Variants in FGF14 observed in about 807,000 individuals in gnomAD.
FGF14 encodes the protein fibroblast growth factor 14, also known as fibroblast growth factor homologous factor 4.
In FGF14, 5 loss-of-function variants were observed where a neutral mutation model predicts 25.5. That is an observed-to-expected ratio of 0.20 (90% confidence interval 0.10 to 0.41). The LOEUF is 0.41. Among genes scored for constraint, FGF14 ranks in the 10% least tolerant of loss-of-function variants. The probability of loss-of-function intolerance (pLI) is 1.00; values close to 1 mark genes in which losing one functional copy is unlikely to be tolerated. For synonymous variants in FGF14, 138 were observed against 118.3 expected, an observed-to-expected ratio of 1.17 and a Z score of -1.08; for missense variants, 222 against 320.1, an observed-to-expected ratio of 0.69 and a Z score of 2.34.
At chr13:101,959,314 C>T (rs189757769) in intron 1 of FGF14, among the ~76,000 whole-genome samples, 134 of 152,174 alleles carry the variant, frequency 8.8e-4, no homozygotes, top group African/African-American at 3.2e-3. Context: ...TAATAGTTTC[C>T]TTCTAGCACC....
At chr13:102,141,094 C>G (rs1045063710) in intron 1 of FGF14, among the ~76,000 whole-genome samples, 1 of 152,170 alleles carries the variant, frequency 6.6e-6, no homozygotes, top group Non-Finnish European at 1.5e-5. Context: ...TATTGTAGGG[C>G]TTCCTCTACT....
chr13:101,912,757 G>A (rs1256537279), intron 1 of FGF14, among the ~76,000 whole-genome samples: 1 of 151,978 alleles, frequency 6.6e-6, no homozygotes, highest in Non-Finnish European at 1.5e-5. Context: ...AGTAAAAAAG[G>A]TATAAAATTT....
At chr13:102,232,543 T>C (rs903102132) in intron 1 of FGF14, among the ~76,000 whole-genome samples, 1 of 152,224 alleles carries the variant, frequency 6.6e-6, no homozygotes, top group Non-Finnish European at 1.5e-5. Flanking sequence ...TATTTTGACA[T>C]ATAGAAATAA....
intron 1 of FGF14, among the ~76,000 whole-genome samples, chr13:101,950,233 G>T (rs1477643546): frequency 2.6e-5 from 4 of 152,086 alleles, no homozygotes; most frequent in Non-Finnish European, 4.4e-5. Context: ...CACAAAGAAT[G>T]AAAAACCCAA....
At position 102,114,238 on chromosome 13, in the gene FGF14, T is replaced by A. The variant is rs145022418; in HGVS notation, c.209-238942A>T. ...CTGAAGAAATATCGAGTTCTTTGCC[T>A]GTTTTCTAAGTGGGTTATTCATTTT... On this transcript the variant is annotated intron_variant, in intron 1 of 4. Coordinates refer to the FGF14 transcript ENST00000376131. Among the ~76,000 whole-genome samples, 668 of 152,364 alleles carry A rather than the reference T, an allele frequency of 4.4e-3. 8 individuals are homozygous for A. The highest frequency in any genetic ancestry group is 0.032 in the South Asian group (153 of 4,826).
intron 3 of FGF14, among the ~76,000 whole-genome samples, chr13:101,867,744 G>A (rs2044791822): frequency 6.6e-6 from 1 of 152,048 alleles, no homozygotes; most frequent in Admixed American, 6.6e-5. Context: ...AGGGAACTCA[G>A]AATAAGAAGA....
intron 1 of FGF14, among the ~76,000 whole-genome samples, chr13:102,145,120 G>A (rs898241297): frequency 1.3e-5 from 2 of 152,096 alleles, no homozygotes; most frequent in Non-Finnish European, 1.5e-5. Flanking sequence ...ACAGAACCTC[G>A]ATGTTGTTCA....
At chr13:102,292,628 G>T (rs772043550) in intron 1 of FGF14, 1 of 152,156 alleles carries the variant, frequency 6.6e-6, no homozygotes, top group Non-Finnish European at 1.5e-5. Flanking sequence ...TCAGCAAAAC[G>T]TTATATATCA....
chr13:101,722,659 G>C lies in FGF14; in HGVS notation c.*172C>G. 1.3e-6 allele frequency: 1 copy of C among 797,650 alleles called. No homozygotes were observed. The highest frequency in any genetic ancestry group is 2.2e-5 in the Admixed American group (1 of 46,442). 49.4% of individuals were successfully genotyped at this position (797,650 alleles called of 1,614,324 possible). A position where few individuals can be genotyped will look rare whatever the true frequency, so the allele number is the denominator to read the frequency against. On this transcript the variant is annotated 3_prime_UTR_variant, in exon 5 of 5. Transcript: ENST00000376143. ...ATCCAGGTGTCTTCTTGTTGTGGGG[G>C]GTGCAACAGGTTGAGATTTATCCAC...
chr13:102,005,723 C>A (rs994582536), intron 1 of FGF14, among the ~76,000 whole-genome samples: 41 of 152,094 alleles, frequency 2.7e-4, no homozygotes, highest in African/African-American at 9.7e-4. Context: ...ACACATAAAC[C>A]TGATATAATA....
chr13:101,962,382 T>TACATCTAGCAA (rs2036915519), intron 1 of FGF14, among the ~76,000 whole-genome samples: 1 of 152,192 alleles, frequency 6.6e-6, no homozygotes, highest in Admixed American at 6.5e-5. Context: ...TGTATAGGAA[T>TACATCTAGCAA]GCTTATGATT....
intron 3 of FGF14, among the ~76,000 whole-genome samples, chr13:101,738,507 A>G (rs533256046): frequency 9.2e-5 from 14 of 152,166 alleles, no homozygotes; most frequent in Non-Finnish European, 1.9e-4. Flanking sequence ...TCTGGCAACA[A>G]CTTGTTTGAT....
At chr13:101,887,913 G>A (rs1357001199) in intron 1 of FGF14, among the ~76,000 whole-genome samples, 3 of 152,166 alleles carry the variant, frequency 2.0e-5, no homozygotes, top group African/African-American at 7.2e-5. Flanking sequence ...GATACAAATT[G>A]TTAACATCTG....
At chr13:101,974,682 G>A (rs1453175035) in intron 1 of FGF14, among the ~76,000 whole-genome samples, 4 of 152,124 alleles carry the variant, frequency 2.6e-5, no homozygotes, top group African/African-American at 9.7e-5. Context: ...TGACAGCCCT[G>A]GTGATACAAG....
At chr13:101,777,692 G>A (rs1383239745) in intron 3 of FGF14, among the ~76,000 whole-genome samples, 2 of 152,204 alleles carry the variant, frequency 1.3e-5, no homozygotes, top group Non-Finnish European at 2.9e-5. Flanking sequence ...CAAGGTTAGA[G>A]AGAGATTTTA....
At position 101,927,426 on chromosome 13, in the gene FGF14, T is replaced by C. The variant is rs141371758; in HGVS notation, c.209-52130A>G. Reference sequence around the variant, plus strand: ...GCCATGCTCACAGGCTTGTGTTCATTTCTCCATGAAATGGGCTTCGTGATC... The same window carrying C: ...GCCATGCTCACAGGCTTGTGTTCATCTCTCCATGAAATGGGCTTCGTGATC... On this transcript the variant is annotated intron_variant, in intron 1 of 4. Transcript: ENST00000376131. Among the ~76,000 whole-genome samples, 1,257 of 152,322 alleles carry C rather than the reference T, an allele frequency of 8.3e-3. 10 individuals carry two copies. Among genetic ancestry groups the C allele is most frequent in the Non-Finnish European group, 0.015 (987 of 68,030 alleles).
chr13:102,058,114 T>C (rs1415786231), intron 1 of FGF14, among the ~76,000 whole-genome samples: 1 of 152,174 alleles, frequency 6.6e-6, no homozygotes, highest in Non-Finnish European at 1.5e-5. Flanking sequence ...GTCTCTATAA[T>C]CAAACATTGC....
At chr13:102,158,281 C>A (rs1263677606) in intron 1 of FGF14, among the ~76,000 whole-genome samples, 1 of 152,150 alleles carries the variant, frequency 6.6e-6, no homozygotes, top group Non-Finnish European at 1.5e-5. Context: ...AAATGTCCAA[C>A]AATCATAGAC....
At chr13:102,358,625 G>C (rs770331600) in intron 1 of FGF14, among the ~76,000 whole-genome samples, 6 of 152,140 alleles carry the variant, frequency 3.9e-5, no homozygotes, top group Non-Finnish European at 8.8e-5. Flanking sequence ...ACACAATATA[G>C]TGTGTGTTTG....
Sources: gnomAD v4.1 joint callset for allele counts (sites outside exome capture counted in the v4.1 genomes callset) on GRCh38, gnomAD v4.1.1 for gene constraint, MANE v1.5 for transcripts, NCBI Gene and HGNC (gene_info 2026-07-23, HGNC 2026-07-21) for gene names.